SESN3: variants seen among roughly 807,000 people sequenced by gnomAD.
The protein encoded by SESN3 is sestrin-3.
A neutral mutation model predicts 55.3 loss-of-function variants in SESN3; 21 were observed. The ratio of observed to expected loss-of-function variants is 0.38; its 90% CI spans 0.27 to 0.55. The LOEUF is 0.55. Among genes scored for constraint, SESN3 ranks in the 20% least tolerant of loss-of-function variants. The pLI is 0.76. For synonymous variants in SESN3, 181 were observed against 203.1 expected, an observed-to-expected ratio of 0.89 and a Z score of 0.93; for missense variants, 408 against 604.3, an observed-to-expected ratio of 0.68 and a Z score of 3.41.
chr11:95,179,309 C>T (rs994793502), intron 6 of SESN3, among the ~76,000 whole-genome samples: 24 of 152,116 alleles, frequency 1.6e-4, no homozygotes, highest in African/African-American at 5.6e-4. Flanking sequence ...TGTGTGCCAC[C>T]ATGCTCAGCT....
Position 95,230,001 on chromosome 11 carries a change from T to C in SESN3, c.78+782A>G, listed in dbSNP as rs1861022412. 6.6e-6 allele frequency among the ~76,000 whole-genome samples: 1 copy of C among 151,980 alleles called. No homozygotes were observed. Among genetic ancestry groups the C allele is most frequent in the Non-Finnish European group, 1.5e-5 (1 of 67,996 alleles). On this transcript the variant is annotated intron_variant, in intron 1 of 9. Coordinates refer to ENST00000536441, the MANE Select transcript of SESN3 (RefSeq NM_144665.4). The surrounding 1 kb of genome is among the most constrained non-coding windows in gnomAD (Gnocchi z 4.6). ...TTCCCCGCGGGGCGATTAAGCCAAG[T>C]AAGCTAAACAATACTGGAGTAAACT...
At chr11:95,175,673 G>A in intron 8 of SESN3, 31 bp from the exon 9 acceptor site, 1 of 1,566,738 alleles carries the variant, frequency 6.4e-7, no homozygotes, top group African/African-American at 1.4e-5. Context: ...GCTTTATAAT[G>A]ACAAAATCAA....
intron 1 of SESN3, among the ~76,000 whole-genome samples, chr11:95,215,894 CGA>C (rs1485448718): frequency 1.3e-5 from 2 of 151,776 alleles, no homozygotes; most frequent in Non-Finnish European, 2.9e-5. Flanking sequence ...GTCAGGAGAT[CGA>C]GACCATCCTG....
intron 1 of SESN3, among the ~76,000 whole-genome samples, chr11:95,211,056 GA>G (rs1378491667): frequency 6.6e-6 from 1 of 152,176 alleles, no homozygotes; most frequent in Non-Finnish European, 1.5e-5. Flanking sequence ...AATTATAGTG[GA>G]AAAGAATAAT....
intron 1 of SESN3, among the ~76,000 whole-genome samples, chr11:95,200,686 T>A (rs1860445100): frequency 6.6e-6 from 1 of 152,046 alleles, no homozygotes; most frequent in Non-Finnish European, 1.5e-5. Flanking sequence ...AAGAGTGAAC[T>A]CCTTTTAACT....
At chr11:95,227,788 TGCAG>T (rs1860975025) in intron 1 of SESN3, among the ~76,000 whole-genome samples, 1 of 152,214 alleles carries the variant, frequency 6.6e-6, no homozygotes, top group Non-Finnish European at 1.5e-5. Context: ...CCTTCCTCAA[TGCAG>T]TTTGACACAT....
Position 95,230,693 on chromosome 11 carries a change from C to A in SESN3, c.78+90G>T. On this transcript the variant is annotated intron_variant, in intron 1 of 9. Coordinates refer to ENST00000536441, the MANE Select transcript of SESN3 (RefSeq NM_144665.4). This position sits in a 1 kb window ranked among gnomAD's most constrained non-coding sequence, Gnocchi z 4.6. ...ACGGTGCCCGGGGATCCCTCTCAGC[C>A]TCCCCCAGTGCGCGCCCGGGGACGA... The A allele has an allele frequency of 1.1e-6, 1 of 915,058 alleles. No individual in the cohort carries two copies. The highest frequency in any genetic ancestry group is 2.7e-4 in the Middle Eastern group (1 of 3,642). The allele number at this position is 915,058 out of a possible 1,614,324, so 56.7% of individuals were successfully genotyped here. A position where few individuals can be genotyped will look rare whatever the true frequency, so the allele number is the denominator to read the frequency against.
intron 1 of SESN3, among the ~76,000 whole-genome samples, chr11:95,206,293 T>C (rs1860544575): frequency 6.6e-6 from 1 of 151,908 alleles, no homozygotes; most frequent in South Asian, 2.1e-4. Context: ...TTTAATGATA[T>C]TATGAACTAT....
chr11:95,210,469 T>G (rs1044536377), intron 1 of SESN3, among the ~76,000 whole-genome samples: 1 of 152,182 alleles, frequency 6.6e-6, no homozygotes, highest in Non-Finnish European at 1.5e-5. Context: ...AGAAGGATGA[T>G]CTGAAATAAG....
At position 95,173,040 on chromosome 11, in the gene SESN3, T is replaced by C. The variant is rs1859880923; in HGVS notation, c.*215A>G. ...AACAATGCAAAGTAGTGCTCCTCAG[T>C]ATTATTTTTGCAATTGTTAGTAATG... On this transcript the variant is annotated 3_prime_UTR_variant, in exon 10 of 10. Transcript: ENST00000536441. 2 of 445,948 alleles carry C rather than the reference T, an allele frequency of 4.5e-6. No homozygotes were observed. Among genetic ancestry groups the C allele is most frequent in the Admixed American group, 3.3e-5 (1 of 30,298 alleles). The allele number at this position is 445,948 out of a possible 1,614,324, so 27.6% of individuals were successfully genotyped here.
rs1299378661 is a variant in SESN3 at position 95,168,165 on chromosome 11, C to T, written c.*5090G>A. The T allele has an allele frequency of 6.6e-6, 1 of 152,334 alleles. No homozygotes were observed. The highest frequency in any genetic ancestry group is 1.5e-5 in the Non-Finnish European group (1 of 68,028). 9.4% of individuals were successfully genotyped at this position (152,334 alleles called of 1,614,324 possible). A position where few individuals can be genotyped will look rare whatever the true frequency, so the allele number is the denominator to read the frequency against. On this transcript the variant is annotated 3_prime_UTR_variant, in exon 10 of 10. Transcript: ENST00000536441. ...TTAGAAATGTGTTTCAAGGCCCAAA[C>T]ACCACCAATAAAACAAATGTCTGGA...
intron 8 of SESN3, among the ~76,000 whole-genome samples, chr11:95,176,148 T>G (rs1859951612): frequency 6.6e-6 from 1 of 152,288 alleles, no homozygotes; most frequent in South Asian, 2.1e-4. Flanking sequence ...ATAAGATAAC[T>G]GGGAACTGAC....
At chr11:95,229,120 C>G (rs1861001265) in intron 1 of SESN3, among the ~76,000 whole-genome samples, 1 of 152,178 alleles carries the variant, frequency 6.6e-6, no homozygotes, top group Non-Finnish European at 1.5e-5. Context: ...GTCATTTTAA[C>G]CAGGCTGCAC....
intron 1 of SESN3, among the ~76,000 whole-genome samples, chr11:95,202,505 T>C (rs945138434): frequency 2.0e-5 from 3 of 152,096 alleles, no homozygotes; most frequent in African/African-American, 4.8e-5. Flanking sequence ...GTATCTATAA[T>C]TTCCCATAAT....
intron 6 of SESN3, 106 bp downstream of exon 6, chr11:95,184,314 G>T: frequency 1.1e-6 from 1 of 901,802 alleles, no homozygotes; most frequent in Non-Finnish European, 1.7e-6. Flanking sequence ...CTAAATAAGA[G>T]AAAGATGGTA....
intron 1 of SESN3, among the ~76,000 whole-genome samples, chr11:95,206,897 G>A (rs1860558983): frequency 6.6e-6 from 1 of 151,970 alleles, no homozygotes; most frequent in Admixed American, 6.6e-5. Flanking sequence ...CCGGGTTCAA[G>A]CATTTCTTCT....
At chr11:95,205,289 T>A (rs1860527905) in intron 1 of SESN3, among the ~76,000 whole-genome samples, 1 of 152,102 alleles carries the variant, frequency 6.6e-6, no homozygotes, top group Non-Finnish European at 1.5e-5. Context: ...ATAATTATAT[T>A]TGTCTTTTAA....
chr11:95,213,758 G>C (rs1231459250), intron 1 of SESN3, among the ~76,000 whole-genome samples: 1 of 152,070 alleles, frequency 6.6e-6, no homozygotes, highest in Non-Finnish European at 1.5e-5. Flanking sequence ...TTCTTTATGA[G>C]AGTAAAATTA....
intron 1 of SESN3, among the ~76,000 whole-genome samples, chr11:95,222,739 G>A (rs1316931516): frequency 6.6e-6 from 1 of 152,202 alleles, no homozygotes; most frequent in African/African-American, 2.4e-5. Flanking sequence ...AGAGTTGGAA[G>A]ATTAGAAAAG....
Sources: allele counts gnomAD v4.1 joint callset (sites outside exome capture counted in the v4.1 genomes callset), GRCh38; gene constraint gnomAD v4.1.1; non-coding constraint Gnocchi (gnomAD v3.1); transcripts MANE v1.5; gene names NCBI Gene and HGNC (gene_info 2026-07-23, HGNC 2026-07-21).